ARHGAP15: variants seen among roughly 807,000 people sequenced by gnomAD.
ARHGAP15 encodes Rho GTPase activating protein 15.
ARHGAP15 carries 51 observed loss-of-function variants against 63.7 expected under a neutral mutation model. The observed-to-expected ratio is 0.80, with a 90% CI of 0.64 to 1.01. The LOEUF (loss-of-function observed/expected upper bound fraction) is 1.01. Ranked by LOEUF, ARHGAP15 falls within the 50% of genes least tolerant of loss-of-function variation. The probability of loss-of-function intolerance (pLI) is 0.00; values close to 1 mark genes in which losing one functional copy is unlikely to be tolerated. For synonymous variants in ARHGAP15, 191 were observed against 193.8 expected (o/e 0.99, Z 0.12); for missense variants, 560 against 564.6 (o/e 0.99, Z 0.08).
intron 5 of ARHGAP15, chr2:143,238,211 A>G (rs1443946530): frequency 1.3e-5 from 2 of 152,204 alleles, no homozygotes; most frequent in African/African-American, 2.4e-5. Flanking sequence ...TAATTAAACT[A>G]AAGAGCTTCC....
At chr2:143,286,576 T>A (rs1448626418) in intron 6 of ARHGAP15, among the ~76,000 whole-genome samples, 5 of 152,206 alleles carry the variant, frequency 3.3e-5, no homozygotes, top group Admixed American at 1.3e-4. Flanking sequence ...TCCTATACAA[T>A]TAAATGCACT....
At chr2:143,516,864 T>C (rs1693842488) in intron 9 of ARHGAP15, among the ~76,000 whole-genome samples, 1 of 152,242 alleles carries the variant, frequency 6.6e-6, no homozygotes, top group Non-Finnish European at 1.5e-5. Flanking sequence ...CACTTCTCTA[T>C]ACTATGTCCA....
chr2:143,732,496 A>C (rs539782706), intron 13 of ARHGAP15, among the ~76,000 whole-genome samples: 20 of 152,338 alleles, frequency 1.3e-4, no homozygotes, highest in Non-Finnish European at 2.8e-4. Flanking sequence ...TCATATTTAC[A>C]AAGTAAGTTC....
At chr2:143,653,337 C>A (rs1681269027) in intron 12 of ARHGAP15, among the ~76,000 whole-genome samples, 1 of 151,864 alleles carries the variant, frequency 6.6e-6, no homozygotes, top group Non-Finnish European at 1.5e-5. Context: ...CACCTTATAT[C>A]TTTGTATGGT....
chr2:143,474,893 G>C (rs1691740870), intron 8 of ARHGAP15, among the ~76,000 whole-genome samples: 1 of 152,164 alleles, frequency 6.6e-6, no homozygotes, highest in Non-Finnish European at 1.5e-5. Flanking sequence ...TAAAATATTT[G>C]GGATAACACT....
At chr2:143,530,523 C>A (rs1487064503) in intron 10 of ARHGAP15, among the ~76,000 whole-genome samples, 2 of 152,148 alleles carry the variant, frequency 1.3e-5, no homozygotes, top group African/African-American at 4.8e-5. Flanking sequence ...ATAGCACTAT[C>A]CACTTTCTGG....
chr2:143,368,272 G>T (rs1686384292), intron 6 of ARHGAP15, among the ~76,000 whole-genome samples: 1 of 152,036 alleles, frequency 6.6e-6, no homozygotes, highest in Non-Finnish European at 1.5e-5. Flanking sequence ...GAAATATGAA[G>T]AGCGTCTTAG....
intron 6 of ARHGAP15, among the ~76,000 whole-genome samples, chr2:143,290,436 A>G (rs1279553332): frequency 6.6e-6 from 1 of 152,140 alleles, no homozygotes; most frequent in African/African-American, 2.4e-5. Context: ...AAAGAAAAAA[A>G]AAAAGGGCAG....
chr2:143,514,444 A>G (rs919273595), intron 9 of ARHGAP15, among the ~76,000 whole-genome samples: 16 of 152,200 alleles, frequency 1.1e-4, no homozygotes, highest in African/African-American at 3.6e-4. Flanking sequence ...ATTAAACTGA[A>G]GGCATAACTC....
At chr2:143,439,743 T>C (rs1427555110) in intron 8 of ARHGAP15, among the ~76,000 whole-genome samples, 1 of 152,068 alleles carries the variant, frequency 6.6e-6, no homozygotes, top group Admixed American at 6.6e-5. Flanking sequence ...ACCCAAGCAG[T>C]CTTATTTTAG....
chr2:143,456,693 A>G (rs1280707557), intron 8 of ARHGAP15, among the ~76,000 whole-genome samples: 2 of 152,066 alleles, frequency 1.3e-5, no homozygotes, highest in Non-Finnish European at 2.9e-5. Flanking sequence ...AGTCTAGATT[A>G]TAACTTCAGC....
chr2:143,464,265 G>C (rs1379983248), intron 8 of ARHGAP15, among the ~76,000 whole-genome samples: 1 of 152,044 alleles, frequency 6.6e-6, no homozygotes, highest in Non-Finnish European at 1.5e-5. Context: ...TAAATTGATA[G>C]AGAATCAAGG....
At chr2:143,427,375 G>T (rs143087424) in intron 6 of ARHGAP15, among the ~76,000 whole-genome samples, 234 of 152,198 alleles carry the variant, frequency 1.5e-3, no homozygotes, top group African/African-American at 5.3e-3. Flanking sequence ...TATTAACAGT[G>T]TTCTTGTAAA....
At chr2:143,222,564 A>G (rs1012508123) in intron 4 of ARHGAP15, among the ~76,000 whole-genome samples, 6 of 152,146 alleles carry the variant, frequency 3.9e-5, no homozygotes, top group African/African-American at 1.4e-4. Flanking sequence ...TTCATCAAGC[A>G]TTTTCCAGAT....
At chr2:143,704,884 A>G (rs368978577) in intron 13 of ARHGAP15, among the ~76,000 whole-genome samples, 1 of 152,292 alleles carries the variant, frequency 6.6e-6, no homozygotes, top group Middle Eastern at 3.4e-3. Flanking sequence ...AAATTAAGCA[A>G]CAGTGATGCA....
chr2:143,342,591 T>G (rs997084474), intron 6 of ARHGAP15, among the ~76,000 whole-genome samples: 1 of 152,102 alleles, frequency 6.6e-6, no homozygotes, highest in Non-Finnish European at 1.5e-5. Context: ...GTCTTATGTC[T>G]AGCACTGAAG....
intron 6 of ARHGAP15, among the ~76,000 whole-genome samples, chr2:143,299,643 T>C (rs968039555): frequency 2.0e-5 from 3 of 152,002 alleles, no homozygotes; most frequent in African/African-American, 7.2e-5. Flanking sequence ...CTCTCTCCTT[T>C]TCCTGTTTGG....
At chr2:143,577,752 T>G (rs986795128) in intron 11 of ARHGAP15, among the ~76,000 whole-genome samples, 3 of 152,122 alleles carry the variant, frequency 2.0e-5, no homozygotes, top group African/African-American at 7.2e-5. Flanking sequence ...TAGAATGGGC[T>G]GATTGGCTTA....
At chr2:143,537,760 C>T (rs1437742007) in intron 10 of ARHGAP15, among the ~76,000 whole-genome samples, 1 of 152,250 alleles carries the variant, frequency 6.6e-6, no homozygotes, top group African/African-American at 2.4e-5. Context: ...GTGCCAGTAC[C>T]ATGCTGTTTT....
Sources: gnomAD v4.1 joint callset for allele counts (sites outside exome capture counted in the v4.1 genomes callset) on GRCh38, gnomAD v4.1.1 for gene constraint, MANE v1.5 for transcripts, NCBI Gene and HGNC (gene_info 2026-07-23, HGNC 2026-07-21) for gene names.